ANO6: variants seen among roughly 807,000 people sequenced by gnomAD.
ANO6 encodes anoctamin 6, also known as anoctamin-6.
A neutral mutation model predicts 117.5 loss-of-function variants in ANO6; 106 were observed. The observed-to-expected ratio is 0.90, with a 90% CI of 0.77 to 1.06. The LOEUF is 1.06. Ranked by LOEUF, ANO6 falls within the 50% of genes least tolerant of loss-of-function variation. ANO6 has a pLI of 0.00. For synonymous variants in ANO6, 367 were observed against 385.1 expected, an observed-to-expected ratio of 0.95 and a Z score of 0.55; for missense variants, 955 against 1,121.1, an observed-to-expected ratio of 0.85 and a Z score of 2.12.
intron 9 of ANO6, among the ~76,000 whole-genome samples, chr12:45,373,489 A>G (rs1472104972): frequency 1.3e-5 from 2 of 152,224 alleles, no homozygotes; most frequent in Non-Finnish European, 1.5e-5. Context: ...AATGTAAAAG[A>G]ACAGAAATTA....
intron 1 of ANO6, among the ~76,000 whole-genome samples, chr12:45,226,400 A>G (rs1947482548): frequency 6.8e-6 from 1 of 146,044 alleles, no homozygotes; most frequent in Admixed American, 7.1e-5. Context: ...TTCCCACACT[A>G]TTTTAAAGTA....
chr12:45,437,912 T>G (rs1943726105), intron 19 of ANO6, among the ~76,000 whole-genome samples: 1 of 152,112 alleles, frequency 6.6e-6, no homozygotes, highest in African/African-American at 2.4e-5. Flanking sequence ...AACCACTGCT[T>G]TATAAAAATT....
chr12:45,216,190 GCT>G lies in ANO6; in HGVS notation c.-130_-129del. On this transcript the variant is annotated 5_prime_UTR_variant, in exon 1 of 20. Transcript: ENST00000320560. ...CTCGGCTTTCCCCGGCGCTGGCTGG[GCT>G]CAGCGGCCCCTGAGCCCAAGCGACA... 4 of 1,063,220 alleles carry G rather than the reference GCT, an allele frequency of 3.8e-6. No individual in the cohort carries two copies. Among genetic ancestry groups the G allele is most frequent in the Non-Finnish European group, 5.6e-6 (4 of 717,960 alleles). 65.9% of individuals were successfully genotyped at this position (1,063,220 alleles called of 1,614,324 possible).
chr12:45,293,024 A>C (rs544889975), intron 1 of ANO6: 13 of 1,521,862 alleles, frequency 8.5e-6, no homozygotes, highest in Non-Finnish European at 1.2e-5. Context: ...ATATTGTCCA[A>C]ATATTTGATG....
At chr12:45,361,881 G>A (rs532972234) in intron 8 of ANO6, among the ~76,000 whole-genome samples, 8 of 152,100 alleles carry the variant, frequency 5.3e-5, no homozygotes, top group African/African-American at 1.7e-4. Context: ...ATTTTATATG[G>A]CAGGATTTGG....
At chr12:45,410,103 T>C (rs1216869246) in intron 16 of ANO6, among the ~76,000 whole-genome samples, 4 of 152,082 alleles carry the variant, frequency 2.6e-5, no homozygotes, top group Non-Finnish European at 5.9e-5. Flanking sequence ...TGTCTGAGAA[T>C]GAACTCAGCA....
At chr12:45,299,650 A>G (rs1939414120) in intron 1 of ANO6, among the ~76,000 whole-genome samples, 1 of 152,112 alleles carries the variant, frequency 6.6e-6, no homozygotes, top group South Asian at 2.1e-4. Context: ...CAGGAGTTCA[A>G]GACCAGCCTG....
chr12:45,353,248 T>G (rs184425924), intron 7 of ANO6, among the ~76,000 whole-genome samples: 154 of 152,332 alleles, frequency 1.0e-3, no homozygotes, highest in Non-Finnish European at 1.5e-3. Context: ...TCGGATTCCC[T>G]TGTCATTCAT....
At chr12:45,327,008 G>A (rs1278098495) in intron 2 of ANO6, among the ~76,000 whole-genome samples, 1 of 152,124 alleles carries the variant, frequency 6.6e-6, no homozygotes, top group Non-Finnish European at 1.5e-5. Flanking sequence ...TGAACCACAT[G>A]GAATCATATA....
chr12:45,422,721 G>A (rs879655282), intron 18 of ANO6, among the ~76,000 whole-genome samples: 3 of 151,878 alleles, frequency 2.0e-5, no homozygotes, highest in Non-Finnish European at 4.4e-5. Context: ...TTACAAGCAC[G>A]TGCTACCACA....
At chr12:45,270,342 A>G in intron 1 of ANO6, 1 of 1,296,534 alleles carries the variant, frequency 7.7e-7, no homozygotes, top group Non-Finnish European at 9.8e-7. Flanking sequence ...AATGGCTTGT[A>G]CGAGGTCAGG....
chr12:45,304,968 T>G (rs1456716110), intron 2 of ANO6, among the ~76,000 whole-genome samples: 4 of 152,190 alleles, frequency 2.6e-5, no homozygotes, highest in Non-Finnish European at 5.9e-5. Flanking sequence ...CCCAGTGGCT[T>G]CTTCTCTCAC....
At chr12:45,372,103 G>A (rs1229049211) in intron 9 of ANO6, among the ~76,000 whole-genome samples, 3 of 152,090 alleles carry the variant, frequency 2.0e-5, no homozygotes, top group Non-Finnish European at 4.4e-5. Context: ...CTGGAAGAAA[G>A]GGTATCAGCA....
chr12:45,412,020 C>CACTTCTCACCAAGTTCTGT (rs1205153558), intron 16 of ANO6, among the ~76,000 whole-genome samples: 3 of 152,314 alleles, frequency 2.0e-5, no homozygotes, highest in East Asian at 3.9e-4. Flanking sequence ...ATCCTTCACC[C>CACTTCTCACCAAGTTCTGT]ACTTCTCACC....
Position 45,380,513 on chromosome 12 carries a change from C to T in ANO6, c.1165+2400C>T, listed in dbSNP as rs539157848. ...TGTTACTTTCAGACCTGTGCTGCTT[C>T]TGCTAGGTCCACACCAGCAAAATAA... On this transcript the variant is annotated intron_variant, in intron 10 of 19. Coordinates refer to ENST00000320560, the MANE Select transcript of ANO6 (RefSeq NM_001025356.3). 2.0e-5 allele frequency among the ~76,000 whole-genome samples: 3 copies of T among 152,344 alleles called. No individual in the cohort carries two copies. The South Asian group carries it at 6.2e-4, about 32-fold the overall frequency.
chr12:45,239,913 T>C (rs1947711493), intron 1 of ANO6, among the ~76,000 whole-genome samples: 1 of 152,230 alleles, frequency 6.6e-6, no homozygotes, highest in South Asian at 2.1e-4. Flanking sequence ...TCTGTTCTTC[T>C]ACATTTGCTG....
chr12:45,239,285 A>G (rs1432435666), intron 1 of ANO6, among the ~76,000 whole-genome samples: 2 of 152,356 alleles, frequency 1.3e-5, no homozygotes, highest in East Asian at 3.9e-4. Flanking sequence ...GTATGTGTCC[A>G]GGAATTTATC....
chr12:45,324,568 T>G lies in ANO6; in HGVS notation c.151-6727T>G, dbSNP rs571255360. ...AGGGAATTACAGATTATGACAGCACTCTTGAGTAGCTGAAAAGCTAAAAAT... is the reference window on the plus strand; with the variant it reads ...AGGGAATTACAGATTATGACAGCACGCTTGAGTAGCTGAAAAGCTAAAAAT... On this transcript the variant is annotated intron_variant, in intron 2 of 19. Transcript: ENST00000320560. Among the ~76,000 whole-genome samples the G allele has an allele frequency of 8.5e-5, 13 of 152,212 alleles. No homozygotes were observed. The South Asian group carries it at 2.7e-3, about 32-fold the overall frequency.
intron 1 of ANO6, among the ~76,000 whole-genome samples, chr12:45,285,016 A>G (rs1938863393): frequency 6.6e-6 from 1 of 152,246 alleles, no homozygotes; most frequent in African/African-American, 2.4e-5. Context: ...CTCTAAGATG[A>G]TTTAGCTGTA....
Sources: allele counts gnomAD v4.1 joint callset (sites outside exome capture counted in the v4.1 genomes callset), GRCh38; gene constraint gnomAD v4.1.1; transcripts MANE v1.5; gene names NCBI Gene and HGNC (gene_info 2026-07-23, HGNC 2026-07-21).